Variants in SETBP1 observed in about 807,000 individuals in gnomAD.
SETBP1 encodes the protein SET binding protein 1.
A neutral mutation model predicts 101.0 loss-of-function variants in SETBP1; 9 were observed. The ratio of observed to expected loss-of-function variants is 0.09; its 90% CI spans 0.05 to 0.16. The LOEUF (loss-of-function observed/expected upper bound fraction) is 0.16. Among genes scored for constraint, SETBP1 ranks in the 10% least tolerant of loss-of-function variants. The pLI is 1.00. For missense variants in SETBP1, 1,858 were observed against 2,033.8 expected, an observed-to-expected ratio of 0.91 and a Z score of 1.66; for synonymous variants, 818 against 788.5, an observed-to-expected ratio of 1.04 and a Z score of -0.63.
intron 3 of SETBP1, among the ~76,000 whole-genome samples, chr18:44,936,537 T>C (rs2070961078): frequency 6.6e-6 from 1 of 152,120 alleles, no homozygotes; most frequent in South Asian, 2.1e-4. Context: ...GTTTTTATAA[T>C]TTTTTCCCCT....
At chr18:45,008,940 T>A (rs2072782589) in intron 4 of SETBP1, among the ~76,000 whole-genome samples, 1 of 152,114 alleles carries the variant, frequency 6.6e-6, no homozygotes. Context: ...ACAGCTAGTG[T>A]CCCCTTGGCT....
chr18:44,878,126 G>T (rs558096437), intron 3 of SETBP1, among the ~76,000 whole-genome samples: 1 of 152,258 alleles, frequency 6.6e-6, no homozygotes, highest in South Asian at 2.1e-4. Context: ...ATTCAAATAT[G>T]ATGTCGTATT....
intron 3 of SETBP1, among the ~76,000 whole-genome samples, chr18:44,898,457 A>T (rs1219438116): frequency 6.6e-6 from 1 of 152,216 alleles, no homozygotes; most frequent in Non-Finnish European, 1.5e-5. Flanking sequence ...GAAGCCACCT[A>T]GAAAGTTAGA....
chr18:44,890,746 T>C (rs1201556574), intron 3 of SETBP1, among the ~76,000 whole-genome samples: 1 of 152,152 alleles, frequency 6.6e-6, no homozygotes, highest in Non-Finnish European at 1.5e-5. Flanking sequence ...ATTTTATTTT[T>C]GAATAAAACC....
chr18:44,832,758 GC>G (rs1234712956), intron 2 of SETBP1, among the ~76,000 whole-genome samples: 1 of 152,094 alleles, frequency 6.6e-6, no homozygotes. Context: ...CATTCCTTGG[GC>G]CCTGCTGGTC....
intron 2 of SETBP1, among the ~76,000 whole-genome samples, chr18:44,833,120 G>T (rs1452378589): frequency 6.6e-6 from 1 of 152,230 alleles, no homozygotes; most frequent in Non-Finnish European, 1.5e-5. Context: ...TAAGCCAAGT[G>T]CCTAGGCTAG....
At chr18:44,945,893 G>A (rs974601550) in intron 3 of SETBP1, among the ~76,000 whole-genome samples, 2 of 152,238 alleles carry the variant, frequency 1.3e-5, no homozygotes, top group African/African-American at 4.8e-5. Flanking sequence ...ATGGGAGGCA[G>A]AGGCTGTGAT....
At chr18:44,835,617 A>G (rs181537882) in intron 2 of SETBP1, among the ~76,000 whole-genome samples, 7 of 152,310 alleles carry the variant, frequency 4.6e-5, no homozygotes, top group Admixed American at 4.6e-4. Flanking sequence ...TAATACGTCT[A>G]AGAATCTCAT....
intron 2 of SETBP1, among the ~76,000 whole-genome samples, chr18:44,845,665 C>T (rs1487614343): frequency 1.3e-5 from 2 of 152,202 alleles, no homozygotes; most frequent in African/African-American, 4.8e-5. Context: ...GCAGCTCAGG[C>T]CTTTCCCCAT....
intron 2 of SETBP1, among the ~76,000 whole-genome samples, chr18:44,726,620 G>C (rs568925301): frequency 6.6e-6 from 1 of 152,192 alleles, no homozygotes; most frequent in African/African-American, 2.4e-5. Flanking sequence ...CCCATTTGCA[G>C]ATTAGAAGTC....
intron 4 of SETBP1, among the ~76,000 whole-genome samples, chr18:44,979,028 C>T (rs1262937516): frequency 6.6e-6 from 1 of 152,168 alleles, no homozygotes; most frequent in Non-Finnish European, 1.5e-5. Flanking sequence ...AGAGTTGGTG[C>T]TTTTTCTCCT....
chr18:44,681,627 A>T (rs769852395), intron 1 of SETBP1, among the ~76,000 whole-genome samples: 16 of 143,808 alleles, frequency 1.1e-4, no homozygotes, highest in Non-Finnish European at 1.8e-4. Flanking sequence ...TTCATTGGAG[A>T]TTGAAAGTTG....
chr18:44,774,150 T>A (rs1326960148), intron 2 of SETBP1, among the ~76,000 whole-genome samples: 1 of 152,190 alleles, frequency 6.6e-6, no homozygotes, highest in African/African-American at 2.4e-5. Context: ...GAGCTGACCC[T>A]GTGACTTTGA....
At chr18:44,828,516 T>C (rs967367482) in intron 2 of SETBP1, among the ~76,000 whole-genome samples, 4 of 152,260 alleles carry the variant, frequency 2.6e-5, no homozygotes, top group African/African-American at 9.6e-5. Context: ...TGTTTTAAAT[T>C]ATTTTGAAAA....
intron 4 of SETBP1, among the ~76,000 whole-genome samples, chr18:44,995,203 G>A (rs552136970): frequency 4.1e-4 from 60 of 145,330 alleles, no homozygotes; most frequent in Admixed American, 4.9e-4. Flanking sequence ...GTGCAGTGGC[G>A]CGATCTTGGC....
intron 2 of SETBP1, among the ~76,000 whole-genome samples, chr18:44,746,847 C>T (rs529799746): frequency 2.2e-4 from 33 of 152,132 alleles, no homozygotes; most frequent in Non-Finnish European, 3.5e-4. Context: ...AGGAAAGCTA[C>T]GTGCACATGT....
chr18:44,687,329 G>A (rs373533046), intron 1 of SETBP1, among the ~76,000 whole-genome samples: 1 of 152,206 alleles, frequency 6.6e-6, no homozygotes, highest in African/African-American at 2.4e-5. Flanking sequence ...ATTTCTTAAA[G>A]GTCAGAGCTC....
intron 3 of SETBP1, among the ~76,000 whole-genome samples, chr18:44,879,988 A>G (rs1466846544): frequency 6.6e-6 from 1 of 152,206 alleles, no homozygotes; most frequent in Non-Finnish European, 1.5e-5. Context: ...CAACTTTCTC[A>G]GGCCCAGTAA....
chr18:44,991,711 T>G (rs2072382610), intron 4 of SETBP1, among the ~76,000 whole-genome samples: 1 of 152,178 alleles, frequency 6.6e-6, no homozygotes, highest in East Asian at 1.9e-4. Flanking sequence ...TAACAAATCT[T>G]TCTCAGTAAT....
Sources: allele counts gnomAD v4.1 joint callset (sites outside exome capture counted in the v4.1 genomes callset), GRCh38; gene constraint gnomAD v4.1.1; transcripts MANE v1.5; gene names NCBI Gene and HGNC (gene_info 2026-07-23, HGNC 2026-07-21).